Variants in C16orf87 observed in about 807,000 individuals in gnomAD.
The protein encoded by C16orf87 is UPF0547 protein C16orf87.
C16orf87 carries 13 observed loss-of-function variants against 21.0 expected under a neutral mutation model. That is an observed-to-expected ratio of 0.62 (90% CI 0.40 to 0.98). The LOEUF (loss-of-function observed/expected upper bound fraction) is 0.98, where lower values mean the gene tolerates loss of function less well. Ranked by LOEUF, C16orf87 falls within the 50% of genes least tolerant of loss-of-function variation. The pLI is 0.00. For missense variants in C16orf87, 113 were observed against 180.4 expected (o/e 0.63, Z 2.14); for synonymous variants, 49 against 60.2 (o/e 0.81, Z 0.86).
chr16:46,803,637 T>C (rs1967839720), intron 3 of C16orf87, among the ~76,000 whole-genome samples: 2 of 152,162 alleles, frequency 1.3e-5, no homozygotes, highest in African/African-American at 2.4e-5. Context: ...GATCCCCTGA[T>C]TCTATTTTTG....
At chr16:46,807,620 A>G (rs1307901207) in intron 3 of C16orf87, among the ~76,000 whole-genome samples, 1 of 152,216 alleles carries the variant, frequency 6.6e-6, no homozygotes, top group African/African-American at 2.4e-5. Context: ...ATGGCCCACA[A>G]AGCCTAGAAC....
rs532070862 is a variant in C16orf87, at chr16:46,819,556, C to T, written c.163+4830G>A. ...AACTCCTGACCTCAGATGATCCGCC[C>T]GCCTCAGTCTCCTAAAGTGCTGGGA... On this transcript the variant is annotated intron_variant, in intron 2 of 3. Coordinates refer to ENST00000285697, the MANE Select transcript of C16orf87 (RefSeq NM_001001436.4). Among the ~76,000 whole-genome samples, 201 of 151,858 alleles carry T rather than the reference C, an allele frequency of 1.3e-3. 2 individuals are homozygous for T. Among genetic ancestry groups the T allele is most frequent in the Admixed American group, 3.5e-3 (53 of 15,286 alleles).
rs1362543708 is a variant in C16orf87 at position 46,807,941 on chromosome 16, A to C, written c.346+1662T>G. The C allele has an allele frequency of 9.1e-6, 4 of 440,844 alleles. No homozygotes were observed. In the East Asian group the frequency reaches 2.8e-4, roughly 31 times the overall value. The allele number at this position is 440,844 out of a possible 1,614,324, so 27.3% of individuals were successfully genotyped here. On this transcript the variant is annotated intron_variant, in intron 3 of 3. Transcript: ENST00000285697. Reference sequence around the variant, plus strand: ...ATTTCCCCAGCTAAAGATGGTCATTATCTGCTTTCTCATCTTCTCTCACCC... The same window carrying C: ...ATTTCCCCAGCTAAAGATGGTCATTCTCTGCTTTCTCATCTTCTCTCACCC...
chr16:46,813,847 T>C (rs1968168298), intron 2 of C16orf87, among the ~76,000 whole-genome samples: 1 of 152,230 alleles, frequency 6.6e-6, no homozygotes, highest in Admixed American at 6.5e-5. Flanking sequence ...ACTACAGCTA[T>C]AATCTGTTAT....
At chr16:46,813,742 C>T (rs149398200) in intron 2 of C16orf87, among the ~76,000 whole-genome samples, 246 of 152,284 alleles carry the variant, frequency 1.6e-3, no homozygotes, top group African/African-American at 5.6e-3. Flanking sequence ...TCTCTTCCCA[C>T]GGCTCTTCAT....
Position 46,824,224 on chromosome 16 carries a change from G to A in C16orf87, c.163+162C>T, listed in dbSNP as rs545835284. Among the ~76,000 whole-genome samples the A allele has an allele frequency of 3.0e-4, 45 of 152,274 alleles. No homozygotes were observed. In the South Asian group the frequency reaches 9.3e-3, roughly 32 times the overall value. ...CTTAACATTTAAATGGAATGCACAT[G>A]AAACCAACGTCGTAAACTAATTCCA... is the stretch of plus-strand genomic sequence containing the variant. On this transcript the variant is annotated intron_variant, in intron 2 of 3. Transcript: ENST00000285697.
At chr16:46,827,732 G>A (rs1959670536) in intron 1 of C16orf87, among the ~76,000 whole-genome samples, 1 of 151,550 alleles carries the variant, frequency 6.6e-6, no homozygotes, top group Non-Finnish European at 1.5e-5. Context: ...ACAGGTGCCT[G>A]TCACCACGCC....
At position 46,801,295 on chromosome 16, in the gene C16orf87, C is replaced by T. The variant is rs1342647825; in HGVS notation, c.*1657G>A. 1 of 152,120 alleles carries T rather than the reference C, an allele frequency of 6.6e-6. No individual in the cohort carries two copies. Among genetic ancestry groups the T allele is most frequent in the Non-Finnish European group, 1.5e-5 (1 of 68,116 alleles). The allele number at this position is 152,120 out of a possible 1,614,324, so 9.4% of individuals were successfully genotyped here. On this transcript the variant is annotated 3_prime_UTR_variant, in exon 4 of 4. Transcript: ENST00000285697. ...TTGGGAGGCCAAGGCGGGCAGATCA[C>T]CTAAGGCCAGGAATTTGAGACCAGC...
At chr16:46,827,898 T>TG (rs1959680218) in intron 1 of C16orf87, among the ~76,000 whole-genome samples, 1 of 147,198 alleles carries the variant, frequency 6.8e-6, no homozygotes, top group Non-Finnish European at 1.5e-5. Context: ...TTTTTAAATC[T>TG]GAAAAAAAAA....
chr16:46,809,242 G>A (rs1054904333), intron 3 of C16orf87, among the ~76,000 whole-genome samples: 37 of 151,020 alleles, frequency 2.5e-4, no homozygotes, highest in African/African-American at 8.0e-4. Flanking sequence ...AGCCATGACC[G>A]CGCCACTGCA....
intron 2 of C16orf87, among the ~76,000 whole-genome samples, chr16:46,816,607 C>A (rs1440557207): frequency 6.6e-6 from 1 of 152,070 alleles, no homozygotes; most frequent in African/African-American, 2.4e-5. Context: ...AAGGAAAGAT[C>A]CAAGAAACCT....
intron 2 of C16orf87, among the ~76,000 whole-genome samples, chr16:46,814,127 A>G (rs1417832424): frequency 2.0e-5 from 3 of 152,224 alleles, no homozygotes; most frequent in African/African-American, 7.2e-5. Flanking sequence ...ACCCAAAATT[A>G]CAGAATTTCA....
chr16:46,821,708 C>T (rs1366898789), intron 2 of C16orf87, among the ~76,000 whole-genome samples: 1 of 152,224 alleles, frequency 6.6e-6, no homozygotes, highest in Non-Finnish European at 1.5e-5. Context: ...GTGTCTGTCA[C>T]AGTTTAGTCC....
chr16:46,823,327 C>A (rs1042215493), intron 2 of C16orf87, among the ~76,000 whole-genome samples: 2 of 152,156 alleles, frequency 1.3e-5, no homozygotes, highest in Non-Finnish European at 2.9e-5. Context: ...GCTTTGTGCC[C>A]AAGGCTTGGA....
At chr16:46,828,397 G>A (rs1476072649) in intron 1 of C16orf87, among the ~76,000 whole-genome samples, 1 of 151,666 alleles carries the variant, frequency 6.6e-6, no homozygotes, top group Non-Finnish European at 1.5e-5. Flanking sequence ...AAAAATGAAG[G>A]CAAAAACAGA....
intron 2 of C16orf87, among the ~76,000 whole-genome samples, chr16:46,822,541 A>G (rs1959457720): frequency 6.6e-6 from 1 of 152,246 alleles, no homozygotes; most frequent in Admixed American, 6.5e-5. Context: ...CCAGTGAATT[A>G]TGTTCATTCT....
intron 3 of C16orf87, among the ~76,000 whole-genome samples, chr16:46,804,444 AC>A (rs1967864586): frequency 6.6e-6 from 1 of 152,166 alleles, no homozygotes; most frequent in Non-Finnish European, 1.5e-5. Flanking sequence ...ATTTTTTGAG[AC>A]CCTGAATGTC....
intron 1 of C16orf87, 33 bp from the exon 2 acceptor site, chr16:46,824,515 C>T (rs1959542368): frequency 3.4e-6 from 3 of 891,062 alleles, no homozygotes; most frequent in Non-Finnish European, 5.2e-6. Flanking sequence ...TATATTATTA[C>T]TATTTTTCTA....
chr16:46,808,276 T>A, intron 3 of C16orf87: 1 of 350,400 alleles, frequency 2.9e-6, no homozygotes, highest in Non-Finnish European at 5.5e-6. Flanking sequence ...AAAACCGATA[T>A]AAACCTTACT....
Sources: allele counts gnomAD v4.1 joint callset (sites outside exome capture counted in the v4.1 genomes callset), GRCh38; gene constraint gnomAD v4.1.1; transcripts MANE v1.5; gene names NCBI Gene and HGNC (gene_info 2026-07-23, HGNC 2026-07-21).